The following SNX32 variants were observed in gnomAD, a reference collection of about 807,000 sequenced individuals.
SNX32 encodes the protein sorting nexin-32.
A neutral mutation model predicts 57.0 loss-of-function variants in SNX32; 58 were observed. The observed-to-expected ratio is 1.02, with a 90% confidence interval of 0.82 to 1.27. The LOEUF is 1.27. SNX32 is among the 50% of genes most tolerant of loss of function. The pLI is 0.00. For synonymous variants in SNX32, 262 were observed against 220.4 expected, an observed-to-expected ratio of 1.19 and a Z score of -1.67; for missense variants, 589 against 541.2, an observed-to-expected ratio of 1.09 and a Z score of -0.88.
chr11:65,840,131 G>A (rs1423395205), intron 1 of SNX32, among the ~76,000 whole-genome samples: 1 of 151,828 alleles, frequency 6.6e-6, no homozygotes, highest in Non-Finnish European at 1.5e-5. Context: ...CTCCAGCCTG[G>A]GCAACAAGAG....
At chr11:65,837,975 G>C (rs1591023925) in intron 1 of SNX32, among the ~76,000 whole-genome samples, 1 of 152,112 alleles carries the variant, frequency 6.6e-6, no homozygotes, top group South Asian at 2.1e-4. Flanking sequence ...GGCCAACATG[G>C]TGAAACCCCG....
In SNX32 at chr11:65,852,881, G is replaced by C; in HGVS notation, c.1081G>C (p.Asp361His). Reference protein sequence around the residue: ...LSDSAKQELMDFKSRRVSSFR... With the variant: ...LSDSAKQELMHFKSRRVSSFR... ...CTTCCCCTCCTCTCCAGAGCTCATG[G>C]ACTTCAAGTCCCGCCGGGTCTCCTC... is the stretch of plus-strand genomic sequence containing the variant. The change falls in exon 12 of 13, where the codon GAC becomes CAC. Residue 361 changes from aspartate (D) to histidine (H), a missense_variant. Physicochemically the swap from Asp to His is moderately conservative, Grantham distance 81. Coordinates refer to ENST00000308342, the MANE Select transcript of SNX32 (RefSeq NM_152760.3). The C allele has an allele frequency of 6.2e-7, 1 of 1,614,180 alleles. No homozygotes were observed. Among genetic ancestry groups the C allele is most frequent in the Non-Finnish European group, 8.5e-7 (1 of 1,180,016 alleles).
At chr11:65,846,728 A>G (rs1859008124) in intron 1 of SNX32, among the ~76,000 whole-genome samples, 1 of 152,010 alleles carries the variant, frequency 6.6e-6, no homozygotes, top group Admixed American at 6.6e-5. Flanking sequence ...TCACGCCTGT[A>G]ATCCCAGCAC....
At position 65,851,126 on chromosome 11, in the gene SNX32, C is replaced by A. The variant is rs1244594798; in HGVS notation, c.675C>A (p.Cys225Ter). The stretch of plus-strand genomic sequence containing the variant: ...ATCACACCCGTATCCGAGATGCCTG[C>A]CTGCGGGCCGACCGCGTCATGCGCG... The part of the protein sequence containing the change: ...LEYHTRIRDA[C>*]LRADRVMRAH... Residue 225 changes from cysteine to a stop codon, truncating the protein, a stop_gained, in exon 7 of 13, where the codon TGC becomes TGA. Coordinates refer to ENST00000308342, the MANE Select transcript of SNX32 (RefSeq NM_152760.3). LOFTEE classifies it high-confidence loss of function. 8 of 1,613,352 alleles carry A rather than the reference C, an allele frequency of 5.0e-6. No homozygotes were observed. The highest frequency in any genetic ancestry group is 8.5e-7 in the Non-Finnish European group (1 of 1,180,014).
Position 65,852,637 on chromosome 11 carries a change from T to G in SNX32, c.920T>G (p.Leu307Arg). 2 of 1,610,122 alleles carry G rather than the reference T, an allele frequency of 1.2e-6. No homozygotes were observed. Among genetic ancestry groups the G allele is most frequent in the Non-Finnish European group, 1.7e-6 (2 of 1,178,832 alleles). Reference protein sequence around the residue: ...MRDSQAAKDLLYRRLRALADY... With the variant: ...MRDSQAAKDLRYRRLRALADY... ...CTGTGCCCATGGTCCTAGGACCTGC[T>G]GTACCGGCGGCTGCGGGCACTGGCC... Residue 307 changes from leucine to arginine, a missense_variant, in exon 11 of 13, where the codon CTG (leucine) becomes CGG (arginine). Coordinates refer to ENST00000308342, the MANE Select transcript of SNX32 (RefSeq NM_152760.3).
intron 1 of SNX32, among the ~76,000 whole-genome samples, chr11:65,848,575 T>C (rs1565251188): frequency 6.6e-6 from 1 of 151,988 alleles, no homozygotes; most frequent in East Asian, 1.9e-4. Flanking sequence ...GTCTCAAAAA[T>C]AAATAAATAC....
At chr11:65,835,036 T>G (rs1238350043) in intron 1 of SNX32, among the ~76,000 whole-genome samples, 3 of 151,184 alleles carry the variant, frequency 2.0e-5, no homozygotes, top group African/African-American at 7.3e-5. Context: ...TGTGTGTCTG[T>G]GTATCTGTGT....
At position 65,850,217 on chromosome 11, in the gene SNX32, G is replaced by A. The variant is rs2134698783; in HGVS notation, c.320G>A (p.Gly107Glu). The change falls in exon 4 of 13, where the codon GGG (glycine) becomes GAG (glutamate). Residue 107 changes from glycine (G) to glutamate (E), a missense_variant. Transcript: ENST00000308342. ...SREKLQKLGE[G>E]DSSVTREEFA... Reference sequence around the variant, plus strand: ...GAAAAGCTACAGAAATTGGGCGAGGGGGACAGCTCTGTCACTCGGGAAGAG... The same window carrying A: ...GAAAAGCTACAGAAATTGGGCGAGGAGGACAGCTCTGTCACTCGGGAAGAG... 3 of 1,614,252 alleles carry A rather than the reference G, an allele frequency of 1.9e-6. No homozygotes were observed. The highest frequency in any genetic ancestry group is 2.2e-5 in the East Asian group (1 of 44,884).
At chr11:65,838,289 C>A (rs1349674273) in intron 1 of SNX32, among the ~76,000 whole-genome samples, 1 of 151,940 alleles carries the variant, frequency 6.6e-6, no homozygotes, top group African/African-American at 2.4e-5. Context: ...GTAAAACAAT[C>A]CTAAATTTAT....
intron 1 of SNX32, among the ~76,000 whole-genome samples, chr11:65,844,512 A>G (rs1858934427): frequency 6.6e-6 from 1 of 152,170 alleles, no homozygotes; most frequent in Admixed American, 6.5e-5. Flanking sequence ...ATGTAGTACA[A>G]CTGGAACTTT....
intron 1 of SNX32, among the ~76,000 whole-genome samples, chr11:65,846,217 G>A (rs571455870): frequency 6.6e-6 from 1 of 152,312 alleles, no homozygotes; most frequent in South Asian, 2.1e-4. Flanking sequence ...GTTGCAGTGA[G>A]TTGAGATCAT....
chr11:65,849,876 G>A (rs1255999140), intron 2 of SNX32, 44 bp from the exon 3 acceptor site: 3 of 1,489,376 alleles, frequency 2.0e-6, no homozygotes, highest in Admixed American at 4.1e-5. Flanking sequence ...CTGAGGCAGG[G>A]CTTGGGGCAG....
rs1313490435 is a variant in SNX32, at chr11:65,834,102, G to T, written c.36+1G>T. On this transcript the variant is annotated splice_donor_variant, in intron 1 of 12. Transcript: ENST00000308342. LOFTEE classifies it high-confidence loss of function. ...TGCGGAGGTTGGGAAGGAGGGCAAG[G>T]TAGAGAAAGGATGAAGACCCCCACC... 1 of 1,551,142 alleles carries T rather than the reference G, an allele frequency of 6.4e-7. No homozygotes were observed. The highest frequency in any genetic ancestry group is 8.7e-7 in the Non-Finnish European group (1 of 1,146,806).
At chr11:65,839,223 G>GTTTTTTTTTTTTTTTTTTTTT (rs755185237) in intron 1 of SNX32, among the ~76,000 whole-genome samples, 363 of 22,994 alleles carry the variant, frequency 0.016, 119 homozygotes, top group South Asian at 0.027. Context: ...TAATTTTTTT[G>GTTTTTTTTTTTTTTTTTTTTT]TATTTTTTTT....
In SNX32 at chr11:65,853,355, G is replaced by A. The variant is rs1178181694; in HGVS notation, c.*20G>A. ...CCTTAGAGTAGCCAGAGCTCAGCCA[G>A]ACCCTAATCTGGGATCTCCAGTGAC... On this transcript the variant is annotated 3_prime_UTR_variant, in exon 13 of 13. Coordinates refer to ENST00000308342, the MANE Select transcript of SNX32 (RefSeq NM_152760.3). 3 of 1,613,552 alleles carry A rather than the reference G, an allele frequency of 1.9e-6. No individual in the cohort carries two copies. The highest frequency in any genetic ancestry group is 3.3e-5 in the Admixed American group (2 of 60,002).
At position 65,834,040 on chromosome 11, in the gene SNX32, G is replaced by T; in HGVS notation, c.-26G>T. On this transcript the variant is annotated 5_prime_UTR_variant, in exon 1 of 13. Coordinates refer to ENST00000308342, the MANE Select transcript of SNX32 (RefSeq NM_152760.3). The stretch of plus-strand genomic sequence containing the variant: ...GACCTGCGGGAGCACGCGGGCAGTG[G>T]CCGGACGCTGAAGCCCAGGAGAGCG... 6.5e-7 allele frequency: 1 copy of T among 1,549,610 alleles called. No homozygotes were observed. Among genetic ancestry groups the T allele is most frequent in the Non-Finnish European group, 8.7e-7 (1 of 1,145,972 alleles).
chr11:65,853,088 G>A (rs1400017281), intron 12 of SNX32, 130 bp downstream of exon 12: 4 of 1,271,546 alleles, frequency 3.1e-6, no homozygotes, highest in Non-Finnish European at 4.5e-6. Flanking sequence ...TGCATGAGAG[G>A]AGCCCCAGCT....
intron 1 of SNX32, among the ~76,000 whole-genome samples, chr11:65,844,693 G>A (rs772544407): frequency 3.9e-5 from 6 of 152,194 alleles, no homozygotes; most frequent in African/African-American, 1.2e-4. Flanking sequence ...ACGGCTGGGC[G>A]TGGTGGCTCA....
rs761226959 is a variant in SNX32 at position 65,851,338 on chromosome 11, C to T, written c.720C>T (p.Asp240=). 54 of 1,614,066 alleles carry T rather than the reference C, an allele frequency of 3.3e-5. No homozygotes were observed. The African/African-American group carries it at 5.6e-4, about 17-fold the overall frequency. ...GCTGTTCCCCAACAGGCCTGGCAGA[C>T]GATTATATCCCTATCTCAGCTGCGC... The part of the protein sequence containing the change: ...RVMRAHKCLA[D]DYIPISAALS... Residue 240 remains aspartate (D), a synonymous_variant, in exon 8 of 13, where the codon GAC becomes GAT. Coordinates refer to ENST00000308342, the MANE Select transcript of SNX32 (RefSeq NM_152760.3).
Sources: allele counts gnomAD v4.1 joint callset (sites outside exome capture counted in the v4.1 genomes callset), GRCh38; gene constraint gnomAD v4.1.1; transcripts MANE v1.5; gene names NCBI Gene and HGNC (gene_info 2026-07-23, HGNC 2026-07-21).